Variants in OR4K1 observed in about 807,000 individuals in gnomAD.
The protein encoded by OR4K1 is olfactory receptor 4K1.
In OR4K1, 16 loss-of-function variants were observed where a neutral mutation model predicts 14.4. The observed-to-expected ratio is 1.11, with a 90% confidence interval of 0.75 to 1.68. The LOEUF (loss-of-function observed/expected upper bound fraction) is 1.68, where lower values mean the gene tolerates loss of function less well. OR4K1 is among the 40% of genes most tolerant of loss of function. The pLI, the probability that OR4K1 is intolerant of heterozygous loss-of-function variation, is 0.00. For synonymous variants in OR4K1, 181 were observed against 133.1 expected (o/e 1.36, Z -2.48); for missense variants, 548 against 376.9 (o/e 1.45, Z -3.76).
chr14:19,928,121 A>C (rs1882099460), upstream of OR4K1, among the ~76,000 whole-genome samples: 1 of 152,194 alleles, frequency 6.6e-6, no homozygotes, highest in African/African-American at 2.4e-5. Flanking sequence ...ATGACAGTTA[A>C]TTTGCAATTT....
chr14:19,935,022 C>A (rs1383306720), intron 1 of OR4K1, among the ~76,000 whole-genome samples: 1 of 152,178 alleles, frequency 6.6e-6, no homozygotes, highest in Non-Finnish European at 1.5e-5. Context: ...ACTCTCAGTT[C>A]CATTTAGTCT....
At chr14:19,921,062 C>T in the OR4K1 span, 1 of 1,614,200 alleles carries the variant, frequency 6.2e-7, no homozygotes, top group Non-Finnish European at 8.5e-7. Flanking sequence ...GGGCTGTGAG[C>T]TTGGTGCACA....
At chr14:19,922,069 T>TCC in the OR4K1 span, among the ~76,000 whole-genome samples, 283 of 128,380 alleles carry the variant, frequency 2.2e-3, 2 homozygotes, top group African/African-American at 6.8e-3. Context: ...GTTATGAGAC[T>TCC]CCCCCCCCCA....
chr14:19,932,201 T>A (rs1434592581), intron 1 of OR4K1, among the ~76,000 whole-genome samples: 1 of 152,240 alleles, frequency 6.6e-6, no homozygotes, highest in Non-Finnish European at 1.5e-5. Context: ...TTGGATATTT[T>A]CAAAAGTATA....
intron 1 of OR4K1, among the ~76,000 whole-genome samples, chr14:19,932,315 T>C (rs1361210491): frequency 1.3e-5 from 2 of 151,800 alleles, no homozygotes; most frequent in African/African-American, 4.8e-5. Flanking sequence ...TCCTTCTCCT[T>C]CTCCTTTTCC....
At chr14:19,934,697 T>A (rs1246846028) in intron 1 of OR4K1, among the ~76,000 whole-genome samples, 2 of 151,906 alleles carry the variant, frequency 1.3e-5, no homozygotes, top group Non-Finnish European at 2.9e-5. Context: ...TGAGACAGAG[T>A]TTCACTCTTG....
In OR4K1 at chr14:19,936,337, G is replaced by A. The variant is rs1286885867; in HGVS notation, c.671G>A (p.Gly224Asp). Reference protein sequence around the residue: ...LIISYTIILIGVRCRSSSGSS... With the variant: ...LIISYTIILIDVRCRSSSGSS... ...ATTTCCTACACCATCATTTTGATCG[G>A]TGTCCGATGCAGGTCCTCCAGTGGG... is the stretch of plus-strand genomic sequence containing the variant. Residue 224 changes from glycine (G) to aspartate (D), a missense_variant, in exon 2 of 2, where the codon GGT (glycine) becomes GAT (aspartate). By Grantham distance (94) the Gly-to-Asp change is moderately conservative (BLOSUM62 -1). Coordinates refer to ENST00000641172, the MANE Select transcript of OR4K1 (RefSeq NM_001004063.3). 1.2e-5 allele frequency: 20 copies of A among 1,614,122 alleles called. No homozygotes were observed. Among genetic ancestry groups the A allele is most frequent in the Admixed American group, 1.7e-5 (1 of 60,000 alleles).
Position 19,936,242 on chromosome 14 carries a change from A to G in OR4K1, c.576A>G (p.Thr192=), listed in dbSNP as rs190776502. 1 of 1,614,232 alleles carries G rather than the reference A, an allele frequency of 6.2e-7. No individual in the cohort carries two copies. The highest frequency in any genetic ancestry group is 2.2e-5 in the East Asian group (1 of 44,880). ...TGATAGAGCTGGCTTGCATGGATAC[A>G]TATGAAATGGAAATTATGACCCTAA... The part of the protein sequence containing the change: ...PLVIELACMD[T]YEMEIMTLTN... The change falls in exon 2 of 2, where the codon ACA becomes ACG. Residue 192 remains threonine (T), a synonymous_variant. Coordinates refer to ENST00000641172, the MANE Select transcript of OR4K1 (RefSeq NM_001004063.3).
In OR4K1 at chr14:19,936,452, T is replaced by C. The variant is rs1293378050; in HGVS notation, c.786T>C (p.Phe262=). The change falls in exon 2 of 2, where the codon TTT becomes TTC. Residue 262 remains phenylalanine (F), a synonymous_variant. Coordinates refer to ENST00000641172, the MANE Select transcript of OR4K1 (RefSeq NM_001004063.3). ...GCATTTATTTCTATATATGGCCTTT[T>C]AGCAGACTTCCTGTGGACAAATTTC... The part of the protein sequence containing the change: ...GPCIYFYIWP[F]SRLPVDKFLS... 1.2e-6 allele frequency: 2 copies of C among 1,614,128 alleles called. No individual in the cohort carries two copies. Among genetic ancestry groups the C allele is most frequent in the Admixed American group, 1.7e-5 (1 of 60,024 alleles).
At chr14:19,933,936 A>G (rs1882244368) in intron 1 of OR4K1, among the ~76,000 whole-genome samples, 1 of 152,246 alleles carries the variant, frequency 6.6e-6, no homozygotes, top group African/African-American at 2.4e-5. Context: ...CAAACACGGA[A>G]AGCCCTGAAA....
chr14:19,921,131 C>T, the OR4K1 span: 3 of 1,614,150 alleles, frequency 1.9e-6, no homozygotes, highest in South Asian at 1.1e-5. Flanking sequence ...ATGTAGTAGA[C>T]AGCTTTTTTT....
In OR4K1 at chr14:19,936,156, G is replaced by GT; in HGVS notation, c.491dup (p.Asp165GlyfsTer9). ...TTCTGTGAGCCACTTGGCTTTTACA[G>GT]TGGACCTGCCATTCTGTGGTCCCAA... On this transcript the variant is annotated frameshift_variant, in exon 2 of 2. Transcript: ENST00000641172. LOFTEE classifies it high-confidence loss of function. 6.2e-7 allele frequency: 1 copy of GT among 1,614,246 alleles called. No individual in the cohort carries two copies. Among genetic ancestry groups the GT allele is most frequent in the African/African-American group, 1.3e-5 (1 of 75,070 alleles).
intron 1 of OR4K1, among the ~76,000 whole-genome samples, chr14:19,932,771 G>A (rs1329888643): frequency 4.6e-5 from 7 of 152,108 alleles, no homozygotes; most frequent in African/African-American, 1.7e-4. Flanking sequence ...TTGAATGGTA[G>A]CTACTTTGTA....
chr14:19,930,694 C>G (rs557606432), upstream of OR4K1, among the ~76,000 whole-genome samples: 2 of 152,316 alleles, frequency 1.3e-5, no homozygotes, highest in South Asian at 4.1e-4. Context: ...TAATCTTTTG[C>G]TTTCATATGT....
the OR4K1 span, chr14:19,921,640 G>T: frequency 6.7e-7 from 1 of 1,481,540 alleles, no homozygotes; most frequent in East Asian, 2.3e-5. Context: ...GTATTTTTGT[G>T]GTGTATCTCA....
chr14:19,927,845 GTGTTTGACATATGGATATA>G (rs1302835733), upstream of OR4K1, among the ~76,000 whole-genome samples: 2 of 152,222 alleles, frequency 1.3e-5, no homozygotes, highest in Admixed American at 1.3e-4. Context: ...GGCACACAGA[GTGTTTGACATATGGATATA>G]GGATTCCACA....
At chr14:19,928,080 G>C (rs1375717900), upstream of OR4K1, among the ~76,000 whole-genome samples, 1 of 152,182 alleles carries the variant, frequency 6.6e-6, no homozygotes, top group Non-Finnish European at 1.5e-5. Flanking sequence ...TTTTGAGATG[G>C]TGAACTCCAA....
the OR4K1 span, chr14:19,920,515 C>T: frequency 6.9e-7 from 1 of 1,447,466 alleles, no homozygotes; most frequent in African/African-American, 1.4e-5. Flanking sequence ...CTCAGAATCC[C>T]TCACCTTAAA....
At chr14:19,920,427 A>G in the OR4K1 span, among the ~76,000 whole-genome samples, 1 of 152,240 alleles carries the variant, frequency 6.6e-6, no homozygotes, top group Non-Finnish European at 1.5e-5. Flanking sequence ...GTTCTTTCCT[A>G]TTATCCACCT....
Sources: gnomAD v4.1 joint callset for allele counts (sites outside exome capture counted in the v4.1 genomes callset) on GRCh38, gnomAD v4.1.1 for gene constraint, MANE v1.5 for transcripts, NCBI Gene and HGNC (gene_info 2026-07-23, HGNC 2026-07-21) for gene names.